The following ARHGAP8 variants were observed in gnomAD, a reference collection of about 807,000 sequenced individuals.
ARHGAP8 encodes Rho GTPase activating protein 8.
A neutral mutation model predicts 46.1 loss-of-function variants in ARHGAP8; 62 were observed. That is an observed-to-expected ratio of 1.34 (90% CI 1.10 to 1.66). The LOEUF (loss-of-function observed/expected upper bound fraction) is 1.66, where lower values mean the gene tolerates loss of function less well. Among genes scored for constraint, ARHGAP8 ranks in the 40% most tolerant of loss-of-function variants. The pLI, the probability that ARHGAP8 is intolerant of heterozygous loss-of-function variation, is 0.00. For synonymous variants in ARHGAP8, 375 were observed against 243.1 expected, an observed-to-expected ratio of 1.54 and a Z score of -5.05; for missense variants, 923 against 568.4, an observed-to-expected ratio of 1.62 and a Z score of -6.34.
chr22:44,816,080 G>A (rs1447581907), intron 5 of ARHGAP8, among the ~76,000 whole-genome samples: 1 of 152,128 alleles, frequency 6.6e-6, no homozygotes, highest in Non-Finnish European at 1.5e-5. Flanking sequence ...ATCCCTGGAG[G>A]GGTCGTCATT....
intron 10 of ARHGAP8, among the ~76,000 whole-genome samples, chr22:44,857,656 C>T (rs1265713143): frequency 6.6e-6 from 1 of 152,098 alleles, no homozygotes; most frequent in Non-Finnish European, 1.5e-5. Context: ...TTTGCCCCTT[C>T]CCTCTGGGTA....
chr22:44,755,223 C>T (rs1457038929), intron 1 of ARHGAP8, among the ~76,000 whole-genome samples: 1 of 152,238 alleles, frequency 6.6e-6, no homozygotes, highest in East Asian at 1.9e-4. Flanking sequence ...GGTGCTGCAG[C>T]TACAGTGTTC....
chr22:44,858,024 G>A (rs539157403), intron 10 of ARHGAP8, among the ~76,000 whole-genome samples: 2 of 152,236 alleles, frequency 1.3e-5, no homozygotes, highest in Admixed American at 6.5e-5. Flanking sequence ...ACCCAGAGAA[G>A]GAAATGGCAG....
intron 8 of ARHGAP8, 82 bp downstream of exon 8, chr22:44,845,424 A>C: frequency 3.8e-6 from 6 of 1,584,784 alleles, no homozygotes; most frequent in Non-Finnish European, 5.2e-6. Flanking sequence ...GATCCTGAGC[A>C]CCCACAAGCC....
chr22:44,820,845 AC>A (rs1037050201), intron 5 of ARHGAP8, among the ~76,000 whole-genome samples: 10 of 152,126 alleles, frequency 6.6e-5, no homozygotes, highest in African/African-American at 2.4e-4. Flanking sequence ...TCCTTTAGGA[AC>A]CACCTGGCGC....
intron 10 of ARHGAP8, among the ~76,000 whole-genome samples, chr22:44,856,292 G>C (rs1206829409): frequency 1.4e-5 from 1 of 70,952 alleles, no homozygotes; most frequent in African/African-American, 8.7e-5. Context: ...TTTTTTTTGA[G>C]ACAAAGTCTC....
chr22:44,795,040 CAAA>C (rs36122461), intron 2 of ARHGAP8, among the ~76,000 whole-genome samples: 1 of 111,812 alleles, frequency 8.9e-6, no homozygotes. Flanking sequence ...AACTCTGTCT[CAAA>C]AAAAAAAAAA....
At chr22:44,786,317 G>C (rs1351202370) in intron 1 of ARHGAP8, 140 bp from the exon 2 acceptor site, 1 of 1,004,292 alleles carries the variant, frequency 1.0e-6, no homozygotes, top group Non-Finnish European at 1.4e-6. Context: ...AGGGCGCGTA[G>C]TGGGTGCACG....
chr22:44,852,528 A>G (rs1477901565), intron 10 of ARHGAP8, among the ~76,000 whole-genome samples: 1 of 152,132 alleles, frequency 6.6e-6, no homozygotes, highest in Non-Finnish European at 1.5e-5. Flanking sequence ...TCCGGACCCC[A>G]GCATTCCCCC....
chr22:44,825,327 A>G (rs1930430248), intron 6 of ARHGAP8, among the ~76,000 whole-genome samples, 156 bp from the exon 7 acceptor site: 1 of 151,874 alleles, frequency 6.6e-6, no homozygotes, highest in South Asian at 2.1e-4. Context: ...GACTGTGTGT[A>G]TGTGAGTGTG....
chr22:44,753,031 C>A (rs1052591864), intron 1 of ARHGAP8, among the ~76,000 whole-genome samples: 53 of 151,818 alleles, frequency 3.5e-4, no homozygotes, highest in African/African-American at 1.3e-3. Context: ...CAGGTTAGGT[C>A]GGGTCAGCGC....
chr22:44,859,670 C>G lies in ARHGAP8; in HGVS notation c.878-61C>G, dbSNP rs143475037. ...CTACACCCCTGTTCTCCTCCCGGGC[C>G]GGGATGCAGCGCTGCCCCTGGCCCC... On this transcript the variant is annotated intron_variant, in intron 10 of 11. Transcript: ENST00000356099. The G allele has an allele frequency of 5.7e-6, 9 of 1,578,594 alleles. No homozygotes were observed. In the African/African-American group the frequency reaches 6.7e-5, roughly 12 times the overall value.
intron 10 of ARHGAP8, among the ~76,000 whole-genome samples, chr22:44,857,251 T>G (rs1569183726): frequency 6.6e-6 from 1 of 152,124 alleles, no homozygotes; most frequent in Non-Finnish European, 1.5e-5. Context: ...TGAGTAAGAA[T>G]TCTTTCTTTT....
chr22:44,775,866 G>A (rs1275702190), intron 1 of ARHGAP8, among the ~76,000 whole-genome samples: 1 of 152,114 alleles, frequency 6.6e-6, no homozygotes, highest in East Asian at 1.9e-4. Context: ...GGAAAAATTA[G>A]CTTCCCTGGT....
At chr22:44,809,366 G>A (rs1929179656) in intron 4 of ARHGAP8, 2 of 363,482 alleles carry the variant, frequency 5.5e-6, no homozygotes, top group Non-Finnish European at 1.1e-5. Flanking sequence ...GGTTCATCCT[G>A]CCTGCCCATT....
At chr22:44,761,642 A>G (rs1252005026) in intron 1 of ARHGAP8, among the ~76,000 whole-genome samples, 1 of 152,206 alleles carries the variant, frequency 6.6e-6, no homozygotes, top group African/African-American at 2.4e-5. Context: ...GCTATGAGTA[A>G]TGGATACAGG....
chr22:44,758,173 G>A (rs540399636), intron 1 of ARHGAP8, among the ~76,000 whole-genome samples: 10 of 152,256 alleles, frequency 6.6e-5, no homozygotes, highest in South Asian at 2.1e-4. Context: ...ATCTGAGGCC[G>A]GGCACGGTGG....
intron 6 of ARHGAP8, 28 bp downstream of exon 6, chr22:44,822,497 G>T (rs762065469): frequency 4.0e-6 from 6 of 1,505,022 alleles, no homozygotes; most frequent in Admixed American, 2.6e-5. Context: ...CCCAGAAGCC[G>T]CATCAATACA....
chr22:44,818,063 G>C (rs1052117380), intron 5 of ARHGAP8, among the ~76,000 whole-genome samples: 2 of 151,990 alleles, frequency 1.3e-5, no homozygotes, highest in Non-Finnish European at 2.9e-5. Flanking sequence ...GAAGTGAGCT[G>C]AGATAGCACC....
Sources: allele counts gnomAD v4.1 joint callset (sites outside exome capture counted in the v4.1 genomes callset), GRCh38; gene constraint gnomAD v4.1.1; transcripts MANE v1.5; gene names NCBI Gene and HGNC (gene_info 2026-07-23, HGNC 2026-07-21).